The following DYRK1A variants were observed in gnomAD, a reference collection of about 807,000 sequenced individuals.
DYRK1A encodes the protein dual specificity tyrosine phosphorylation regulated kinase 1A.
In DYRK1A, 9 loss-of-function variants were observed where a neutral mutation model predicts 79.7. The observed-to-expected ratio is 0.11, with a 90% CI of 0.07 to 0.20. The LOEUF (loss-of-function observed/expected upper bound fraction) is 0.20. DYRK1A is among the 10% of genes least tolerant of loss of function. DYRK1A has a pLI of 1.00. For missense variants in DYRK1A, 622 were observed against 956.0 expected (o/e 0.65, Z 4.61); for synonymous variants, 349 against 329.7 (o/e 1.06, Z -0.63).
intron 1 of DYRK1A, among the ~76,000 whole-genome samples, chr21:37,388,518 C>T (rs893258530): frequency 2.6e-5 from 4 of 152,180 alleles, no homozygotes. Flanking sequence ...AACAGTGAGT[C>T]TTCCAGTATC....
chr21:37,466,032 T>C (rs538825766), intron 2 of DYRK1A, among the ~76,000 whole-genome samples: 18 of 152,348 alleles, frequency 1.2e-4, no homozygotes, highest in African/African-American at 4.3e-4. Flanking sequence ...ATGCATATAA[T>C]TCACTCAATC....
At chr21:37,381,114 T>A (rs1039157317) in intron 1 of DYRK1A, among the ~76,000 whole-genome samples, 3 of 152,204 alleles carry the variant, frequency 2.0e-5, no homozygotes, top group Non-Finnish European at 4.4e-5. Context: ...GTTGGCAGGG[T>A]GCTTGGCACA....
intron 3 of DYRK1A, among the ~76,000 whole-genome samples, chr21:37,473,335 C>T (rs561258795): frequency 3.3e-5 from 5 of 152,048 alleles, no homozygotes; most frequent in Admixed American, 6.6e-5. Flanking sequence ...GCAAATTAAC[C>T]GTGCTATTTA....
intron 2 of DYRK1A, among the ~76,000 whole-genome samples, chr21:37,435,552 C>A (rs796495806): frequency 6.6e-5 from 10 of 152,292 alleles, no homozygotes; most frequent in African/African-American, 2.2e-4. Context: ...TGTATGAAAT[C>A]TTAAATACTT....
intron 2 of DYRK1A, among the ~76,000 whole-genome samples, chr21:37,446,496 G>A (rs2051275284): frequency 6.6e-6 from 1 of 152,004 alleles, no homozygotes. Flanking sequence ...AGTAGTTAAT[G>A]GGAAAATTCA....
intron 5 of DYRK1A, among the ~76,000 whole-genome samples, chr21:37,483,454 T>G (rs187932609): frequency 1.3e-5 from 2 of 152,386 alleles, no homozygotes; most frequent in South Asian, 2.1e-4. Context: ...TGTATATGTC[T>G]TCTTCCCATG....
At chr21:37,439,684 A>G (rs1286583225) in intron 2 of DYRK1A, among the ~76,000 whole-genome samples, 3 of 152,148 alleles carry the variant, frequency 2.0e-5, no homozygotes, top group Non-Finnish European at 1.5e-5. Context: ...ATCTCCCCCC[A>G]TGGAAAAACT....
In DYRK1A at chr21:37,478,406, T is replaced by C. The variant is rs2052479409; in HGVS notation, c.300+106T>C. 10 of 823,980 alleles carry C rather than the reference T, an allele frequency of 1.2e-5. No homozygotes were observed. In the South Asian group the frequency reaches 1.7e-4, roughly 14 times the overall value. The allele number at this position is 823,980 out of a possible 1,614,324, so 51.0% of individuals were successfully genotyped here. ...TTTTTTTCATTCCTAGTAGTTGTCATATTGATGATTATTATGAAGACTAAT... is the reference window on the plus strand; with the variant it reads ...TTTTTTTCATTCCTAGTAGTTGTCACATTGATGATTATTATGAAGACTAAT... On this transcript the variant is annotated intron_variant, in intron 4 of 11. Coordinates refer to ENST00000647188, the MANE Select transcript of DYRK1A (RefSeq NM_001347721.2).
Position 37,403,181 on chromosome 21 carries a change from T to A in DYRK1A, c.-76-17118T>A, listed in dbSNP as rs561935638. Among the ~76,000 whole-genome samples the A allele has an allele frequency of 4.6e-5, 7 of 152,280 alleles. No homozygotes were observed. The East Asian group carries it at 1.3e-3, about 29-fold the overall frequency. ...ATTTTGCCCTTTGGTTATTATGTTA[T>A]TCATTTTTAGAGTTTTCTTTTTGTT... On this transcript the variant is annotated intron_variant, in intron 1 of 11. Coordinates refer to ENST00000647188, the MANE Select transcript of DYRK1A (RefSeq NM_001347721.2).
At chr21:37,427,600 T>C (rs898327549) in intron 2 of DYRK1A, among the ~76,000 whole-genome samples, 3 of 152,350 alleles carry the variant, frequency 2.0e-5, no homozygotes, top group Admixed American at 2.0e-4. Context: ...ATCGTGTTTT[T>C]TGTTTGTTTT....
At chr21:37,369,171 C>T (rs999275909) in intron 1 of DYRK1A, among the ~76,000 whole-genome samples, 7 of 152,032 alleles carry the variant, frequency 4.6e-5, no homozygotes, top group East Asian at 1.9e-4. Context: ...GTTTATGTGT[C>T]CAAAGTATTA....
chr21:37,371,443 A>G (rs2049427768), intron 1 of DYRK1A, among the ~76,000 whole-genome samples: 1 of 152,232 alleles, frequency 6.6e-6, no homozygotes, highest in Non-Finnish European at 1.5e-5. Flanking sequence ...CCAGAGTACT[A>G]AAACGAGTGA....
At chr21:37,366,238 C>G (rs2049299944), upstream of DYRK1A, 3 of 149,802 alleles carry the variant, frequency 2.0e-5, no homozygotes, top group African/African-American at 7.3e-5. Context: ...GGTCCCCGCC[C>G]GAAGGCCGCG....
intron 1 of DYRK1A, among the ~76,000 whole-genome samples, chr21:37,406,475 CACTTGAGACCAGGA>C (rs1182339495): frequency 2.0e-5 from 3 of 152,078 alleles, no homozygotes; most frequent in African/African-American, 7.2e-5. Context: ...GCAGATGGAT[CACTTGAGACCAGGA>C]GTTTGAGACC....
chr21:37,511,164 G>C (rs1429394727), intron 11 of DYRK1A, among the ~76,000 whole-genome samples: 5 of 152,234 alleles, frequency 3.3e-5, no homozygotes, highest in African/African-American at 1.2e-4. Context: ...GCCAGGGATA[G>C]GATGGGTGGA....
At chr21:37,505,724 G>A (rs1217399553) in intron 10 of DYRK1A, 135 bp downstream of exon 10, 1 of 980,712 alleles carries the variant, frequency 1.0e-6, no homozygotes, top group South Asian at 1.8e-5. Context: ...GTTCTTTGTA[G>A]TTAGTAGTAA....
chr21:37,480,551 AAATAGGTGTGTGTC>A, intron 4 of DYRK1A, 73 bp from the exon 5 acceptor site: 2 of 1,047,420 alleles, frequency 1.9e-6, no homozygotes, highest in Non-Finnish European at 1.4e-6. Flanking sequence ...CAACTGTAGA[AAATAGGTGTGTGTC>A]AATATACTCT....
intron 5 of DYRK1A, among the ~76,000 whole-genome samples, chr21:37,484,329 C>CTTT (rs35615588): frequency 1.4e-3 from 188 of 134,062 alleles, no homozygotes; most frequent in African/African-American, 4.8e-3. Context: ...CAATAGGTCC[C>CTTT]TTTTTTTTTT....
At chr21:37,385,213 G>C (rs1005592390) in intron 1 of DYRK1A, among the ~76,000 whole-genome samples, 4 of 152,160 alleles carry the variant, frequency 2.6e-5, no homozygotes, top group Admixed American at 2.6e-4. Context: ...CACAGAGTTA[G>C]TAGCTTAAAA....
Sources: gnomAD v4.1 joint callset for allele counts (sites outside exome capture counted in the v4.1 genomes callset) on GRCh38, gnomAD v4.1.1 for gene constraint, MANE v1.5 for transcripts, NCBI Gene and HGNC (gene_info 2026-07-23, HGNC 2026-07-21) for gene names.